Variants in SLC22A15 observed in about 807,000 individuals in gnomAD.
The protein encoded by SLC22A15 is flipt 1.
SLC22A15 carries 45 observed loss-of-function variants against 62.7 expected under a neutral mutation model. The observed-to-expected ratio is 0.72, with a 90% CI of 0.56 to 0.92. The LOEUF (loss-of-function observed/expected upper bound fraction) is 0.92, where lower values mean the gene tolerates loss of function less well. SLC22A15 is among the 40% of genes least tolerant of loss of function. SLC22A15 has a pLI of 0.00. For missense variants in SLC22A15, 622 were observed against 665.6 expected, an observed-to-expected ratio of 0.93 and a Z score of 0.72; for synonymous variants, 264 against 267.0, an observed-to-expected ratio of 0.99 and a Z score of 0.11.
intron 8 of SLC22A15, among the ~76,000 whole-genome samples, chr1:116,039,605 A>T (rs1657730186): frequency 6.6e-6 from 1 of 152,104 alleles, no homozygotes; most frequent in Non-Finnish European, 1.5e-5. Flanking sequence ...TTTAATAAAT[A>T]ATTTCTATAA....
chr1:116,054,273 G>C (rs1658139657), intron 8 of SLC22A15, among the ~76,000 whole-genome samples: 1 of 151,730 alleles, frequency 6.6e-6, no homozygotes, highest in African/African-American at 2.4e-5. Context: ...TGATAAAACA[G>C]ACTATAAAGC....
At chr1:116,058,816 G>A (rs1414278762) in intron 8 of SLC22A15, among the ~76,000 whole-genome samples, 3 of 152,120 alleles carry the variant, frequency 2.0e-5, no homozygotes, top group South Asian at 2.1e-4. Flanking sequence ...CATTTGCAGT[G>A]ACCTGGATGA....
intron 8 of SLC22A15, among the ~76,000 whole-genome samples, chr1:116,043,898 T>C (rs78560155): frequency 0.024 from 3,626 of 152,244 alleles, 144 homozygotes; most frequent in African/African-American, 0.083. Context: ...CAAAGCTTAC[T>C]TAAAAACATA....
chr1:115,995,241 G>C (rs1244836536), intron 2 of SLC22A15, among the ~76,000 whole-genome samples: 1 of 152,042 alleles, frequency 6.6e-6, no homozygotes, highest in African/African-American at 2.4e-5. Flanking sequence ...CCCTGTCCCT[G>C]TCAGTTACTA....
At chr1:116,038,629 A>T (rs1384087725) in intron 8 of SLC22A15, among the ~76,000 whole-genome samples, 1 of 152,268 alleles carries the variant, frequency 6.6e-6, no homozygotes, top group Non-Finnish European at 1.5e-5. Context: ...TAAGTAGAGG[A>T]GGAACTCCCC....
intron 8 of SLC22A15, among the ~76,000 whole-genome samples, chr1:116,062,104 G>C (rs1475481282): frequency 6.6e-6 from 1 of 152,170 alleles, no homozygotes; most frequent in South Asian, 2.1e-4. Context: ...AGCTACTCGG[G>C]AGACTGAGGC....
chr1:115,982,052 C>G (rs1156754577), intron 1 of SLC22A15, among the ~76,000 whole-genome samples: 2 of 152,208 alleles, frequency 1.3e-5, no homozygotes, highest in Non-Finnish European at 2.9e-5. Context: ...CTCAGAGTTT[C>G]CCAATGCCCA....
chr1:115,987,156 G>A (rs1654911105), intron 1 of SLC22A15, among the ~76,000 whole-genome samples: 1 of 151,080 alleles, frequency 6.6e-6, no homozygotes, highest in African/African-American at 2.4e-5. Context: ...GTGTCATAAT[G>A]TAGATAGATT....
At chr1:116,061,196 C>T (rs1360336889) in intron 8 of SLC22A15, among the ~76,000 whole-genome samples, 2 of 152,038 alleles carry the variant, frequency 1.3e-5, no homozygotes, top group African/African-American at 2.4e-5. Flanking sequence ...TGAGAGAACT[C>T]GAAATCCCAA....
chr1:115,981,772 A>T (rs1166239735), intron 1 of SLC22A15, among the ~76,000 whole-genome samples: 1 of 152,214 alleles, frequency 6.6e-6, no homozygotes, highest in African/African-American at 2.4e-5. Context: ...CCCCAGCCGA[A>T]TGCCTTCCAA....
At chr1:116,010,627 G>A (rs907021456) in intron 2 of SLC22A15, among the ~76,000 whole-genome samples, 1 of 152,194 alleles carries the variant, frequency 6.6e-6, no homozygotes, top group East Asian at 1.9e-4. Flanking sequence ...AGATTTTCAT[G>A]TACAAAGTTG....
chr1:116,006,829 C>T (rs1303970296), intron 2 of SLC22A15, among the ~76,000 whole-genome samples: 1 of 151,938 alleles, frequency 6.6e-6, no homozygotes, highest in Non-Finnish European at 1.5e-5. Context: ...ATTGCATTCA[C>T]TCTCTGTCTT....
intron 1 of SLC22A15, among the ~76,000 whole-genome samples, chr1:115,979,726 A>G (rs938908202): frequency 2.0e-4 from 30 of 152,138 alleles, no homozygotes; most frequent in African/African-American, 7.2e-4. Context: ...TTGGAATACA[A>G]TTCATTGTTT....
At chr1:115,986,899 G>A (rs1408708475) in intron 1 of SLC22A15, among the ~76,000 whole-genome samples, 1 of 152,154 alleles carries the variant, frequency 6.6e-6, no homozygotes, top group African/African-American at 2.4e-5. Context: ...AGAGAGGTTT[G>A]GATTTGCTCA....
chr1:116,050,889 A>G (rs1255684656), intron 8 of SLC22A15, among the ~76,000 whole-genome samples: 9 of 152,214 alleles, frequency 5.9e-5, no homozygotes, highest in Admixed American at 1.3e-4. Context: ...TGGATACAAG[A>G]TTAATGTACA....
chr1:116,029,011 C>G (rs745698527), intron 5 of SLC22A15, among the ~76,000 whole-genome samples: 1 of 152,182 alleles, frequency 6.6e-6, no homozygotes. Context: ...ATAATGGAGC[C>G]ATGTTCTCTC....
At chr1:116,035,078 C>A in intron 6 of SLC22A15, 109 bp from the exon 7 acceptor site, 1 of 1,157,358 alleles carries the variant, frequency 8.6e-7, no homozygotes, top group Non-Finnish European at 1.2e-6. Context: ...TACAGCAGAT[C>A]AAGCAATTAT....
At chr1:116,027,248 A>T in intron 5 of SLC22A15, 3 of 634,700 alleles carry the variant, frequency 4.7e-6, no homozygotes, top group Non-Finnish European at 9.0e-6. Context: ...CTCTCAATAC[A>T]CTGCATTGTA....
Position 116,009,571 on chromosome 1 carries a change from A to C in SLC22A15, c.301-10011A>C, listed in dbSNP as rs1018649222. On this transcript the variant is annotated intron_variant, in intron 2 of 11. Coordinates refer to ENST00000369503, the MANE Select transcript of SLC22A15 (RefSeq NM_018420.3). ...CTTTAGCCGGTGTTCTTGAGGAACCACTAGTCTCTGCACTGTGTTGAGTTC... is the reference window on the plus strand; with the variant it reads ...CTTTAGCCGGTGTTCTTGAGGAACCCCTAGTCTCTGCACTGTGTTGAGTTC... Among the ~76,000 whole-genome samples the C allele has an allele frequency of 2.6e-5, 4 of 152,212 alleles. No homozygotes were observed. The East Asian group carries it at 7.7e-4, about 29-fold the overall frequency.
Sources: allele counts gnomAD v4.1 joint callset (sites outside exome capture counted in the v4.1 genomes callset), GRCh38; gene constraint gnomAD v4.1.1; transcripts MANE v1.5; gene names NCBI Gene and HGNC (gene_info 2026-07-23, HGNC 2026-07-21).